EPHA5: variants seen among roughly 807,000 people sequenced by gnomAD.
The protein encoded by EPHA5 is ephrin type-A receptor 5.
Under a neutral mutation model 105.0 loss-of-function variants are expected in EPHA5, and 60 were observed. The ratio of observed to expected loss-of-function variants is 0.57; its 90% CI spans 0.46 to 0.71. The LOEUF is 0.71. Ranked by LOEUF, EPHA5 falls within the 30% of genes least tolerant of loss-of-function variation. EPHA5 has a pLI of 0.00. For missense variants in EPHA5, 1,218 were observed against 1,274.7 expected (o/e 0.96, Z 0.68); for synonymous variants, 513 against 449.1 (o/e 1.14, Z -1.80).
intron 3 of EPHA5, among the ~76,000 whole-genome samples, chr4:65,572,576 C>T (rs1049668957): frequency 2.6e-5 from 4 of 152,120 alleles, no homozygotes; most frequent in Non-Finnish European, 5.9e-5. Context: ...GAGCCATATG[C>T]TAGCTGAAAA....
chr4:65,451,819 G>C (rs1578145851), intron 5 of EPHA5, among the ~76,000 whole-genome samples: 1 of 152,138 alleles, frequency 6.6e-6, no homozygotes, highest in South Asian at 2.1e-4. Context: ...TTAAGAGGAA[G>C]GATGAATGTG....
chr4:65,380,039 A>C (rs1719405269), intron 8 of EPHA5, among the ~76,000 whole-genome samples: 1 of 151,804 alleles, frequency 6.6e-6, no homozygotes, highest in African/African-American at 2.4e-5. Context: ...ATAAATATGC[A>C]GATAAGTACA....
At position 65,365,678 on chromosome 4, in the gene EPHA5, TA is replaced by T. The variant is rs1560458136; in HGVS notation, c.1987+253del. On this transcript the variant is annotated intron_variant, in intron 10 of 16. Transcript: ENST00000613740. The stretch of plus-strand genomic sequence containing the variant: ...ATATATATATATATATATATATATA[TA>T]TATATATATAGTGAAACATTATCTA... 4.0e-4 allele frequency among the ~76,000 whole-genome samples: 48 copies of T among 121,298 alleles called. 4 individuals carry two copies. Among genetic ancestry groups the T allele is most frequent in the Non-Finnish European group, 6.0e-4 (33 of 54,578 alleles). 79.6% of individuals were successfully genotyped at this position (121,298 alleles called of 152,430 possible). A position where few individuals can be genotyped will look rare whatever the true frequency, so the allele number is the denominator to read the frequency against.
chr4:65,560,379 C>G (rs1465162913), intron 3 of EPHA5, among the ~76,000 whole-genome samples: 1 of 151,986 alleles, frequency 6.6e-6, no homozygotes, highest in Non-Finnish European at 1.5e-5. Context: ...TAGCCATTGT[C>G]CCGTATCACA....
chr4:65,515,195 T>C (rs528008689), intron 3 of EPHA5, among the ~76,000 whole-genome samples: 5 of 152,268 alleles, frequency 3.3e-5, no homozygotes, highest in African/African-American at 1.2e-4. Flanking sequence ...TCTTTACACC[T>C]CTGTCACTTT....
At chr4:65,639,883 T>C (rs1289928014) in intron 2 of EPHA5, among the ~76,000 whole-genome samples, 2 of 152,210 alleles carry the variant, frequency 1.3e-5, no homozygotes, top group Non-Finnish European at 2.9e-5. Flanking sequence ...AATTCATTTG[T>C]TTTTATACTT....
Position 65,365,072 on chromosome 4 carries a change from G to A in EPHA5, c.2118C>T (p.Ile706=), listed in dbSNP as rs879671491. Residue 706 remains isoleucine, a synonymous_variant, in exon 11 of 17, where the codon ATC becomes ATT. Transcript: ENST00000613740. ...QRRDFLGEAS[I]MGQFDHPNII... ...TGTTAGGATGATCAAACTGTCCCAT[G>A]ATACTTGCTTCACCTAGGAAATCTC... 3 of 1,611,812 alleles carry A rather than the reference G, an allele frequency of 1.9e-6. No individual in the cohort carries two copies. The highest frequency in any genetic ancestry group is 2.5e-6 in the Non-Finnish European group (3 of 1,178,444).
At chr4:65,538,978 A>G (rs1736556361) in intron 3 of EPHA5, among the ~76,000 whole-genome samples, 1 of 151,524 alleles carries the variant, frequency 6.6e-6, no homozygotes, top group South Asian at 2.1e-4. Context: ...TGTCTAACCT[A>G]CTCTGGACTG....
intron 2 of EPHA5, among the ~76,000 whole-genome samples, chr4:65,613,731 A>G (rs537231121): frequency 6.6e-6 from 1 of 152,178 alleles, no homozygotes; most frequent in African/African-American, 2.4e-5. Flanking sequence ...ATCAACCAAA[A>G]GCATACTTTT....
intron 1 of EPHA5, among the ~76,000 whole-genome samples, chr4:65,663,634 G>A (rs1459010910): frequency 6.6e-6 from 1 of 151,820 alleles, no homozygotes; most frequent in African/African-American, 2.4e-5. Context: ...TAGTTTAAAT[G>A]CGATTTTTAA....
chr4:65,476,143 T>TGTGTGG (rs1553922822), intron 5 of EPHA5, among the ~76,000 whole-genome samples: 30 of 151,484 alleles, frequency 2.0e-4, no homozygotes, highest in African/African-American at 7.0e-4. Context: ...TGTGTGTGTG[T>TGTGTGG]GTGTGTGTGT....
intron 4 of EPHA5, among the ~76,000 whole-genome samples, chr4:65,491,733 A>G (rs1731420442): frequency 6.6e-6 from 1 of 152,048 alleles, no homozygotes; most frequent in Admixed American, 6.5e-5. Context: ...GAGTAATGAA[A>G]TCCATGATCA....
At chr4:65,345,928 A>G (rs1378532875) in intron 14 of EPHA5, among the ~76,000 whole-genome samples, 1 of 151,756 alleles carries the variant, frequency 6.6e-6, no homozygotes, top group Non-Finnish European at 1.5e-5. Context: ...GCCCGCCACC[A>G]CGCCCGGCTA....
chr4:65,396,041 G>A (rs1349931999), intron 8 of EPHA5, among the ~76,000 whole-genome samples: 1 of 152,190 alleles, frequency 6.6e-6, no homozygotes, highest in Non-Finnish European at 1.5e-5. Context: ...AACTGTGGAT[G>A]TAGATCTGGG....
chr4:65,397,735 G>A (rs541294784), intron 8 of EPHA5, among the ~76,000 whole-genome samples: 8 of 152,100 alleles, frequency 5.3e-5, no homozygotes, highest in East Asian at 1.9e-4. Context: ...GTCATGCAAC[G>A]GGAGCCTCAG....
At chr4:65,330,697 C>A in intron 16 of EPHA5, 1 of 853,646 alleles carries the variant, frequency 1.2e-6, no homozygotes, top group Non-Finnish European at 1.4e-6. Flanking sequence ...AATTAAATAG[C>A]AATCATGTAA....
chr4:65,401,599 T>C (rs1304766893), intron 8 of EPHA5, among the ~76,000 whole-genome samples: 1 of 152,140 alleles, frequency 6.6e-6, no homozygotes, highest in Non-Finnish European at 1.5e-5. Context: ...TGCTGTCTTT[T>C]CAACTGCAAA....
chr4:65,340,603 T>C (rs921128749), intron 14 of EPHA5, among the ~76,000 whole-genome samples: 3 of 152,076 alleles, frequency 2.0e-5, no homozygotes, highest in African/African-American at 4.8e-5. Context: ...AGGGGGAGGA[T>C]AAGGACCAGG....
At chr4:65,465,519 GAAAGAAAGAAAAGA>G (rs1560567246) in intron 5 of EPHA5, among the ~76,000 whole-genome samples, 20 of 87,076 alleles carry the variant, frequency 2.3e-4, no homozygotes, top group East Asian at 8.4e-4. Flanking sequence ...AAGAAAGAAA[GAAAGAAAGAAAAGA>G]AAGGAAAGGA....
Sources: gnomAD v4.1 joint callset for allele counts (sites outside exome capture counted in the v4.1 genomes callset) on GRCh38, gnomAD v4.1.1 for gene constraint, MANE v1.5 for transcripts, NCBI Gene and HGNC (gene_info 2026-07-23, HGNC 2026-07-21) for gene names.